The following RALYL variants were observed in gnomAD, a reference collection of about 807,000 sequenced individuals.
RALYL encodes RALY RNA binding protein like.
A neutral mutation model predicts 35.1 loss-of-function variants in RALYL; 29 were observed. The observed-to-expected ratio is 0.83, with a 90% CI of 0.61 to 1.13. RALYL has a LOEUF of 1.13. RALYL is among the 50% of genes most tolerant of loss of function. The pLI, the probability that RALYL is intolerant of heterozygous loss-of-function variation, is 0.00. For synonymous variants in RALYL, 120 were observed against 127.6 expected (o/e 0.94, Z 0.40); for missense variants, 359 against 360.4 (o/e 1.00, Z 0.03).
At chr8:84,815,163 G>C (rs1826884781) in intron 4 of RALYL, among the ~76,000 whole-genome samples, 1 of 152,094 alleles carries the variant, frequency 6.6e-6, no homozygotes, top group Non-Finnish European at 1.5e-5. Flanking sequence ...AACTATCTTG[G>C]AGTTCACTCC....
intron 2 of RALYL, chr8:84,679,679 G>A (rs1351242027): frequency 4.0e-6 from 2 of 505,718 alleles, no homozygotes; most frequent in African/African-American, 2.0e-5. Flanking sequence ...AAAAATGTGA[G>A]AACTAATTCA....
chr8:84,228,486 G>A (rs937032405), intron 1 of RALYL, among the ~76,000 whole-genome samples: 5 of 152,172 alleles, frequency 3.3e-5, no homozygotes, highest in Non-Finnish European at 7.3e-5. Context: ...ACTTTTGTAT[G>A]CAGTTGGAAA....
chr8:84,878,636 A>G (rs1456576626), intron 7 of RALYL, among the ~76,000 whole-genome samples: 1 of 152,132 alleles, frequency 6.6e-6, no homozygotes, highest in Non-Finnish European at 1.5e-5. Flanking sequence ...CCTCAGAGAA[A>G]TGAGAAGATA....
rs554016498 is a variant in RALYL, at chr8:84,188,783, A to G, written c.-24+4359A>G. 4.3e-4 allele frequency among the ~76,000 whole-genome samples: 65 copies of G among 152,246 alleles called. 1 individual carries two copies. The highest frequency in any genetic ancestry group is 2.3e-3 in the South Asian group (11 of 4,828). On this transcript the variant is annotated intron_variant, in intron 1 of 8. Coordinates refer to ENST00000521268, the MANE Select transcript of RALYL (RefSeq NM_173848.7). ...ATTGCCAACTTTAGTAGTTTTGCTTATCCTCATTGCTTTTAGATTTTCAAT... is the reference window on the plus strand; with the variant it reads ...ATTGCCAACTTTAGTAGTTTTGCTTGTCCTCATTGCTTTTAGATTTTCAAT...
At chr8:84,727,124 G>A (rs1372392982) in intron 2 of RALYL, among the ~76,000 whole-genome samples, 2 of 152,012 alleles carry the variant, frequency 1.3e-5, no homozygotes, top group African/African-American at 4.8e-5. Context: ...TGAAAAGTGG[G>A]TTATGAGACA....
intron 1 of RALYL, among the ~76,000 whole-genome samples, chr8:84,301,799 A>G (rs1840841370): frequency 6.6e-6 from 1 of 152,084 alleles, no homozygotes; most frequent in African/African-American, 2.4e-5. Flanking sequence ...TGTTTTTTAT[A>G]TATAATTTAA....
intron 4 of RALYL, among the ~76,000 whole-genome samples, chr8:84,840,100 G>A (rs532555471): frequency 6.7e-4 from 102 of 152,236 alleles, no homozygotes; most frequent in Middle Eastern, 3.4e-3. Flanking sequence ...CACCAGCAAC[G>A]GAACAAAGCT....
At chr8:84,701,478 A>G (rs1486361772) in intron 2 of RALYL, among the ~76,000 whole-genome samples, 2 of 152,204 alleles carry the variant, frequency 1.3e-5, no homozygotes, top group African/African-American at 4.8e-5. Flanking sequence ...CTCTATATAC[A>G]GTGTCTTGAC....
chr8:84,625,131 G>A (rs1019375277), intron 2 of RALYL, among the ~76,000 whole-genome samples: 4 of 152,136 alleles, frequency 2.6e-5, no homozygotes, highest in African/African-American at 9.7e-5. Flanking sequence ...TGATGAAACT[G>A]TCTTTCAAGC....
At chr8:84,791,747 A>T (rs1481809439) in intron 3 of RALYL, among the ~76,000 whole-genome samples, 1 of 152,188 alleles carries the variant, frequency 6.6e-6, no homozygotes, top group African/African-American at 2.4e-5. Flanking sequence ...GGAGTTGAGG[A>T]TAAACACATT....
chr8:84,354,673 T>C (rs1474860542), intron 1 of RALYL, among the ~76,000 whole-genome samples: 1 of 150,454 alleles, frequency 6.6e-6, no homozygotes, highest in African/African-American at 2.5e-5. Flanking sequence ...CTAGTGTTTC[T>C]CTACATTAAA....
intron 7 of RALYL, among the ~76,000 whole-genome samples, chr8:84,886,727 C>T (rs1282828085): frequency 1.3e-5 from 2 of 152,126 alleles, no homozygotes; most frequent in Non-Finnish European, 2.9e-5. Flanking sequence ...TCCATTTGAG[C>T]AGGTTTCTGT....
At chr8:84,523,659 T>TC (rs570057276) in intron 1 of RALYL, among the ~76,000 whole-genome samples, 33,984 of 89,338 alleles carry the variant, frequency 0.38, 6,023 homozygotes, top group South Asian at 0.51. Context: ...ATGCTATCCC[T>TC]CCCCCCTCCC....
chr8:84,900,516 A>T (rs7830369), intron 8 of RALYL, among the ~76,000 whole-genome samples: 2 of 152,020 alleles, frequency 1.3e-5, no homozygotes, highest in African/African-American at 4.8e-5. Flanking sequence ...GTCTCTATGA[A>T]AAATAGAAAA....
chr8:84,706,034 A>G (rs1841145304), intron 2 of RALYL: 3 of 1,535,334 alleles, frequency 2.0e-6, no homozygotes, highest in Non-Finnish European at 2.6e-6. Flanking sequence ...ATGACCATGT[A>G]CAAGAGCAAA....
intron 2 of RALYL, among the ~76,000 whole-genome samples, chr8:84,687,005 T>C (rs1377166550): frequency 6.6e-6 from 1 of 152,172 alleles, no homozygotes; most frequent in Non-Finnish European, 1.5e-5. Flanking sequence ...AAAATATCTT[T>C]CACATACTTT....
At chr8:84,278,548 C>T (rs960012130) in intron 1 of RALYL, among the ~76,000 whole-genome samples, 4 of 152,160 alleles carry the variant, frequency 2.6e-5, no homozygotes, top group Non-Finnish European at 4.4e-5. Context: ...TTGTCAGGTG[C>T]CCAGTTTCCA....
At chr8:84,525,184 A>G (rs565500327) in intron 1 of RALYL, among the ~76,000 whole-genome samples, 6 of 152,112 alleles carry the variant, frequency 3.9e-5, no homozygotes, top group African/African-American at 1.2e-4. Flanking sequence ...TTGGAACAAC[A>G]GCAACAGTAG....
At chr8:84,731,316 G>A (rs1194117750) in intron 2 of RALYL, among the ~76,000 whole-genome samples, 2 of 152,088 alleles carry the variant, frequency 1.3e-5, no homozygotes, top group African/African-American at 4.8e-5. Context: ...GATCAGCAGG[G>A]ATGGTTAACC....
Sources: gnomAD v4.1 joint callset for allele counts (sites outside exome capture counted in the v4.1 genomes callset) on GRCh38, gnomAD v4.1.1 for gene constraint, MANE v1.5 for transcripts, NCBI Gene and HGNC (gene_info 2026-07-23, HGNC 2026-07-21) for gene names.